UBL4B: variants seen among roughly 807,000 people sequenced by gnomAD.
UBL4B encodes the protein ubiquitin like 4B, also known as ubiquitin-like protein 4B.
For synonymous variants in UBL4B, 94 were observed against 92.8 expected, an observed-to-expected ratio of 1.01 and a Z score of -0.08; for missense variants, 194 against 209.9, an observed-to-expected ratio of 0.92 and a Z score of 0.47.
In UBL4B at chr1:110,113,398, C is replaced by G; in HGVS notation, c.*339C>G. On this transcript the variant is annotated 3_prime_UTR_variant, in exon 1 of 1. Transcript: ENST00000334179. Reference sequence around the variant, plus strand: ...GCTGAAAGCAGCCCTGGCCCAGGGTCTCCATGGTTCTAGGCAGACCCTCTT... The same window carrying G: ...GCTGAAAGCAGCCCTGGCCCAGGGTGTCCATGGTTCTAGGCAGACCCTCTT... 1 of 304,636 alleles carries G rather than the reference C, an allele frequency of 3.3e-6. No individual in the cohort carries two copies. Among genetic ancestry groups the G allele is most frequent in the Non-Finnish European group, 6.4e-6 (1 of 155,836 alleles). 18.9% of individuals were successfully genotyped at this position (304,636 alleles called of 1,614,324 possible). A position where few individuals can be genotyped will look rare whatever the true frequency, so the allele number is the denominator to read the frequency against.
rs148862862 is a variant in UBL4B, at chr1:110,113,830, G to C, written c.*771G>C. The stretch of plus-strand genomic sequence containing the variant: ...CATTACCTGCCCAGCGCTGCCCAAG[G>C]CTCCCTGGAAGGAAAAATGGTATCT... On this transcript the variant is annotated 3_prime_UTR_variant, in exon 1 of 1. Transcript: ENST00000334179. 1 of 167,110 alleles carries C rather than the reference G, an allele frequency of 6.0e-6. No individual in the cohort carries two copies. The highest frequency in any genetic ancestry group is 1.5e-5 in the Non-Finnish European group (1 of 68,188). The allele number at this position is 167,110 out of a possible 1,614,324, so 10.4% of individuals were successfully genotyped here. A position where few individuals can be genotyped will look rare whatever the true frequency, so the allele number is the denominator to read the frequency against.
rs775334904 is a variant in UBL4B at position 110,112,807 on chromosome 1, G to A, written c.273G>A (p.Trp91Ter). 3 of 1,613,820 alleles carry A rather than the reference G, an allele frequency of 1.9e-6. No homozygotes were observed. Among genetic ancestry groups the A allele is most frequent in the Non-Finnish European group, 2.5e-6 (3 of 1,180,052 alleles). Residue 91 changes from tryptophan (W) to a stop codon, truncating the protein, a stop_gained, in exon 1 of 1, where the codon TGG becomes TGA. Transcript: ENST00000334179. LOFTEE classifies it low-confidence loss of function (END_TRUNC). ...EAHQPQTQPL[W>*]HQLGLVLAKH... is the part of the protein sequence containing the mutation. ...ACCAGCCGCAGACCCAGCCCCTGTG[G>A]CACCAGCTGGGACTGGTCCTAGCTA...
At position 110,112,622 on chromosome 1, in the gene UBL4B, G is replaced by A; in HGVS notation, c.88G>A (p.Val30Met). The change falls in exon 1 of 1, where the codon GTG becomes ATG. Residue 30 changes from valine to methionine, a missense_variant. Physicochemically the swap from Val to Met is conservative, Grantham distance 21 (BLOSUM62 1). Transcript: ENST00000334179. ...GAGTGTAGCCACGCTGAAGAGACTG[G>A]TGTCCAGGCGGCTGAAGGTGCCTGA... ...QESVATLKRL[V>M]SRRLKVPEEQ... 1.2e-6 allele frequency: 2 copies of A among 1,614,180 alleles called. No individual in the cohort carries two copies. The highest frequency in any genetic ancestry group is 2.2e-5 in the East Asian group (1 of 44,890).
At position 110,112,851 on chromosome 1, in the gene UBL4B, A is replaced by G. The variant is rs1440834989; in HGVS notation, c.317A>G (p.Asp106Gly). 4 of 1,613,616 alleles carry G rather than the reference A, an allele frequency of 2.5e-6. No individual in the cohort carries two copies. The highest frequency in any genetic ancestry group is 3.3e-5 in the Admixed American group (2 of 60,006). Residue 106 changes from aspartate (D) to glycine (G), a missense_variant, in exon 1 of 1, where the codon GAT (aspartate) becomes GGT (glycine). Coordinates refer to ENST00000334179, the MANE Select transcript of UBL4B (RefSeq NM_203412.2). The stretch of plus-strand genomic sequence containing the variant: ...CTAGCTAAACACTTTGAACCACAGG[A>G]TGCCAAGGCCGTGCTGCAGCTGCTA... ...LVLAKHFEPQ[D>G]AKAVLQLLRQ...
rs1437467551 is a variant in UBL4B at position 110,112,564 on chromosome 1, C to T, written c.30C>T (p.Gly10=). MFLTVKLLL[G]QRCSLKVSGQ... The stretch of plus-strand genomic sequence containing the variant: ...TCCTCACAGTCAAGCTGCTCCTGGG[C>T]CAGAGATGCAGTCTGAAGGTGTCAG... Residue 10 remains glycine (G), a synonymous_variant, in exon 1 of 1, where the codon GGC becomes GGT. Transcript: ENST00000334179. 3.7e-6 allele frequency: 6 copies of T among 1,612,050 alleles called. No individual in the cohort carries two copies. The highest frequency in any genetic ancestry group is 5.1e-6 in the Non-Finnish European group (6 of 1,179,008).
In UBL4B at chr1:110,113,766, A is replaced by G. The variant is rs1292685103; in HGVS notation, c.*707A>G. 6.0e-6 allele frequency: 1 copy of G among 166,804 alleles called. No homozygotes were observed. Among genetic ancestry groups the G allele is most frequent in the Non-Finnish European group, 1.5e-5 (1 of 68,170 alleles). The allele number at this position is 166,804 out of a possible 1,614,324, so 10.3% of individuals were successfully genotyped here. The stretch of plus-strand genomic sequence containing the variant: ...GCCAGCGTGAACAGAGCCATGCCCC[A>G]CCCTCCCAGACTGATCAGTCAGTAG... On this transcript the variant is annotated 3_prime_UTR_variant, in exon 1 of 1. Coordinates refer to ENST00000334179, the MANE Select transcript of UBL4B (RefSeq NM_203412.2).
chr1:110,112,877 A>G lies in UBL4B; in HGVS notation c.343A>G (p.Arg115Gly). 1 of 1,613,546 alleles carries G rather than the reference A, an allele frequency of 6.2e-7. No homozygotes were observed. Among genetic ancestry groups the G allele is most frequent in the Non-Finnish European group, 8.5e-7 (1 of 1,179,992 alleles). ...TGCCAAGGCCGTGCTGCAGCTGCTA[A>G]GGCAGGAGCACGAGGAGCGCCTGCA... ...QDAKAVLQLL[R>G]QEHEERLQKI... The change falls in exon 1 of 1, where the codon AGG becomes GGG. Residue 115 changes from arginine (R) to glycine (G), a missense_variant. By Grantham distance (125) the Arg-to-Gly change is moderately radical. Coordinates refer to ENST00000334179, the MANE Select transcript of UBL4B (RefSeq NM_203412.2).
rs1654850368 is a variant in UBL4B, at chr1:110,113,664, A to G, written c.*605A>G. On this transcript the variant is annotated 3_prime_UTR_variant, in exon 1 of 1. Transcript: ENST00000334179. Reference sequence around the variant, plus strand: ...TGCCAGCCCTGGAGCCCTCAGGGAGACAGACACAGACCAAGAATAGCAGGA... The same window carrying G: ...TGCCAGCCCTGGAGCCCTCAGGGAGGCAGACACAGACCAAGAATAGCAGGA... 1 of 167,858 alleles carries G rather than the reference A, an allele frequency of 6.0e-6. No homozygotes were observed. 10.4% of individuals were successfully genotyped at this position (167,858 alleles called of 1,614,324 possible).
rs762391535 is a variant in UBL4B at position 110,112,757 on chromosome 1, G to C, written c.223G>C (p.Glu75Gln). Residue 75 changes from glutamate (E) to glutamine (Q), a missense_variant, in exon 1 of 1, where the codon GAG becomes CAG. Physicochemically the swap from Glu to Gln is conservative, Grantham distance 29 (BLOSUM62 2). Coordinates refer to ENST00000334179, the MANE Select transcript of UBL4B (RefSeq NM_203412.2). ...TATCAATGTCATCATGCAGCCCTTG[G>C]AGAAGATGGCGCTAAAGGAGGCCCA... Reference protein sequence around the residue: ...ASINVIMQPLEKMALKEAHQP... With the variant: ...ASINVIMQPLQKMALKEAHQP... 1.2e-6 allele frequency: 2 copies of C among 1,614,000 alleles called. No individual in the cohort carries two copies. Among genetic ancestry groups the C allele is most frequent in the South Asian group, 2.2e-5 (2 of 91,092 alleles).
At position 110,113,468 on chromosome 1, in the gene UBL4B, C is replaced by T. The variant is rs1557816710; in HGVS notation, c.*409C>T. On this transcript the variant is annotated 3_prime_UTR_variant, in exon 1 of 1. Coordinates refer to ENST00000334179, the MANE Select transcript of UBL4B (RefSeq NM_203412.2). Reference sequence around the variant, plus strand: ...ACAATGTGAGTTCATTTTCCTCCATCCTCAGACCGTGACATCTCCCCTAGG... The same window carrying T: ...ACAATGTGAGTTCATTTTCCTCCATTCTCAGACCGTGACATCTCCCCTAGG... The T allele has an allele frequency of 5.4e-6, 1 of 184,022 alleles. No individual in the cohort carries two copies. Among genetic ancestry groups the T allele is most frequent in the Non-Finnish European group, 1.3e-5 (1 of 78,252 alleles). 11.4% of individuals were successfully genotyped at this position (184,022 alleles called of 1,614,324 possible). A position where few individuals can be genotyped will look rare whatever the true frequency, so the allele number is the denominator to read the frequency against.
chr1:110,113,071 T>C lies in UBL4B; in HGVS notation c.*12T>C. On this transcript the variant is annotated 3_prime_UTR_variant, in exon 1 of 1. Transcript: ENST00000334179. Reference sequence around the variant, plus strand: ...CAGCTGATCAGTAAACGGGCCATCCTACCCATTTGCATGCTAAAATTCTCC... The same window carrying C: ...CAGCTGATCAGTAAACGGGCCATCCCACCCATTTGCATGCTAAAATTCTCC... 6.5e-7 allele frequency: 1 copy of C among 1,539,382 alleles called. No homozygotes were observed. The highest frequency in any genetic ancestry group is 1.4e-5 in the African/African-American group (1 of 72,244).
Position 110,112,448 on chromosome 1 carries a change from T to C in UBL4B, c.-87T>C. ...CCTGGGACTACTAGCCCTTTGTTGA[T>C]AGGGAGAAGCCAACATCTCCCGCAG... On this transcript the variant is annotated 5_prime_UTR_variant, in exon 1 of 1. Transcript: ENST00000334179. 4 of 1,508,342 alleles carry C rather than the reference T, an allele frequency of 2.7e-6. No homozygotes were observed. The highest frequency in any genetic ancestry group is 2.7e-6 in the Non-Finnish European group (3 of 1,124,380). The allele number at this position is 1,508,342 out of a possible 1,614,324, so 93.4% of individuals were successfully genotyped here.
At position 110,112,955 on chromosome 1, in the gene UBL4B, G is replaced by A; in HGVS notation, c.421G>A (p.Glu141Lys). The A allele has an allele frequency of 1.2e-6, 2 of 1,607,580 alleles. No individual in the cohort carries two copies. The highest frequency in any genetic ancestry group is 1.7e-6 in the Non-Finnish European group (2 of 1,177,264). Residue 141 changes from glutamate to lysine, a missense_variant, in exon 1 of 1, where the codon GAG becomes AAG. By Grantham distance (56) the Glu-to-Lys change is moderately conservative. Transcript: ENST00000334179. ...EQLAQYLLAE[E>K]PHVEPAGERE... ...GCTGGCCCAGTACCTCCTGGCAGAGGAGCCTCACGTGGAGCCAGCTGGAGA... is the reference window on the plus strand; with the variant it reads ...GCTGGCCCAGTACCTCCTGGCAGAGAAGCCTCACGTGGAGCCAGCTGGAGA...
Position 110,113,287 on chromosome 1 carries a change from G to A in UBL4B, c.*228G>A. The A allele has an allele frequency of 1.6e-6, 1 of 620,252 alleles. No individual in the cohort carries two copies. The highest frequency in any genetic ancestry group is 2.6e-5 in the South Asian group (1 of 38,710). The allele number at this position is 620,252 out of a possible 1,614,324, so 38.4% of individuals were successfully genotyped here. ...TCATCACCATGCTTCCCCTAGAAGG[G>A]TTCTGATCACCGGAGGGCAGCCCCA... On this transcript the variant is annotated 3_prime_UTR_variant, in exon 1 of 1. Coordinates refer to ENST00000334179, the MANE Select transcript of UBL4B (RefSeq NM_203412.2).
Position 110,112,778 on chromosome 1 carries a change from G to A in UBL4B, c.244G>A (p.Ala82Thr). The A allele has an allele frequency of 6.2e-7, 1 of 1,613,770 alleles. No homozygotes were observed. The highest frequency in any genetic ancestry group is 8.5e-7 in the Non-Finnish European group (1 of 1,180,038). Residue 82 changes from alanine (A) to threonine (T), a missense_variant, in exon 1 of 1, where the codon GCC (alanine) becomes ACC (threonine). Physicochemically the swap from Ala to Thr is moderately conservative, Grantham distance 58 (BLOSUM62 0). Transcript: ENST00000334179. ...QPLEKMALKE[A>T]HQPQTQPLWH... ...CTTGGAGAAGATGGCGCTAAAGGAG[G>A]CCCACCAGCCGCAGACCCAGCCCCT...
Position 110,112,509 on chromosome 1 carries a change from G to T in UBL4B, c.-26G>T. On this transcript the variant is annotated 5_prime_UTR_variant, in exon 1 of 1. Coordinates refer to ENST00000334179, the MANE Select transcript of UBL4B (RefSeq NM_203412.2). Reference sequence around the variant, plus strand: ...TCTTCAGGGCAGCTCCCAGAGCATGGATCCCTCCTGATTCCACTCAGCCCG... The same window carrying T: ...TCTTCAGGGCAGCTCCCAGAGCATGTATCCCTCCTGATTCCACTCAGCCCG... 6.3e-7 allele frequency: 1 copy of T among 1,580,062 alleles called. No individual in the cohort carries two copies. The highest frequency in any genetic ancestry group is 8.6e-7 in the Non-Finnish European group (1 of 1,162,562).
Position 110,113,082 on chromosome 1 carries a change from A to G in UBL4B, c.*23A>G, listed in dbSNP as rs1340070156. The G allele has an allele frequency of 2.0e-6, 3 of 1,529,856 alleles. No homozygotes were observed. Among genetic ancestry groups the G allele is most frequent in the Admixed American group, 4.4e-5 (2 of 45,484 alleles). The allele number at this position is 1,529,856 out of a possible 1,614,324, so 94.8% of individuals were successfully genotyped here. A position where few individuals can be genotyped will look rare whatever the true frequency, so the allele number is the denominator to read the frequency against. On this transcript the variant is annotated 3_prime_UTR_variant, in exon 1 of 1. Coordinates refer to ENST00000334179, the MANE Select transcript of UBL4B (RefSeq NM_203412.2). ...TAAACGGGCCATCCTACCCATTTGCATGCTAAAATTCTCCCGGCCTCATCC... is the reference window on the plus strand; with the variant it reads ...TAAACGGGCCATCCTACCCATTTGCGTGCTAAAATTCTCCCGGCCTCATCC...
Position 110,112,455 on chromosome 1 carries a change from A to G in UBL4B, c.-80A>G, listed in dbSNP as rs1570957537. ...CTACTAGCCCTTTGTTGATAGGGAG[A>G]AGCCAACATCTCCCGCAGGACCCCC... On this transcript the variant is annotated 5_prime_UTR_variant, in exon 1 of 1. Transcript: ENST00000334179. The G allele has an allele frequency of 3.3e-6, 5 of 1,520,574 alleles. No homozygotes were observed. In the East Asian group the frequency reaches 1.1e-4, roughly 34 times the overall value. 94.2% of individuals were successfully genotyped at this position (1,520,574 alleles called of 1,614,324 possible).
chr1:110,113,175 A>G lies in UBL4B; in HGVS notation c.*116A>G. ...GTGGATGCGTCCACACCCCTTTTTG[A>G]ACCTTCCAAGCAGCTGGAGGGTTTT... On this transcript the variant is annotated 3_prime_UTR_variant, in exon 1 of 1. Transcript: ENST00000334179. 7.1e-7 allele frequency: 1 copy of G among 1,403,940 alleles called. No individual in the cohort carries two copies. Among genetic ancestry groups the G allele is most frequent in the Non-Finnish European group, 9.4e-7 (1 of 1,058,864 alleles). 87.0% of individuals were successfully genotyped at this position (1,403,940 alleles called of 1,614,324 possible).
Sources: gnomAD v4.1 joint callset for allele counts on GRCh38, gnomAD v4.1.1 for gene constraint, MANE v1.5 for transcripts, NCBI Gene and HGNC (gene_info 2026-07-23, HGNC 2026-07-21) for gene names.